Variants in RAD21 observed in about 807,000 individuals in gnomAD.
RAD21 encodes RAD21 cohesin complex component.
A neutral mutation model predicts 71.5 loss-of-function variants in RAD21; 18 were observed. The ratio of observed to expected loss-of-function variants is 0.25; its 90% CI spans 0.17 to 0.37. The LOEUF is 0.37. RAD21 is among the 10% of genes least tolerant of loss of function. RAD21 has a pLI of 1.00. For missense variants in RAD21, 493 were observed against 769.1 expected (o/e 0.64, Z 4.25); for synonymous variants, 248 against 254.0 (o/e 0.98, Z 0.22).
At chr8:116,852,764 G>A in intron 9 of RAD21, 56 bp from the exon 10 acceptor site, 1 of 1,251,684 alleles carries the variant, frequency 8.0e-7, no homozygotes, top group African/African-American at 1.6e-5. Context: ...TAATTAAAAA[G>A]TCACCACTGA....
At chr8:116,852,206 A>G in intron 10 of RAD21, 110 bp from the exon 11 acceptor site, 1 of 1,053,360 alleles carries the variant, frequency 9.5e-7, no homozygotes, top group South Asian at 2.1e-5. Context: ...TGCTTTCTTT[A>G]ATGAAGAAGG....
intron 12 of RAD21, 41 bp downstream of exon 12, chr8:116,850,577 G>A (rs545971371): frequency 1.3e-6 from 2 of 1,593,304 alleles, no homozygotes; most frequent in East Asian, 4.5e-5. Flanking sequence ...CTGGTTGGAG[G>A]TTTTTGCTAA....
At position 116,854,652 on chromosome 8, in the gene RAD21, G is replaced by A. The variant is rs1812424609; in HGVS notation, c.938-184C>T. Among the ~76,000 whole-genome samples the A allele has an allele frequency of 2.6e-5, 4 of 152,152 alleles. No homozygotes were observed. In the South Asian group the frequency reaches 6.3e-4, roughly 24 times the overall value. On this transcript the variant is annotated intron_variant, in intron 8 of 13. Transcript: ENST00000297338. ...CCAACCACCATTCAGAAGAGAGGCT[G>A]GAACACAACGGGCATTCAACAAAAA...
At chr8:116,865,322 T>C (rs1812667599) in intron 2 of RAD21, among the ~76,000 whole-genome samples, 1 of 152,164 alleles carries the variant, frequency 6.6e-6, no homozygotes. Flanking sequence ...TCTGTTATCC[T>C]TTTAAGCCAC....
In RAD21 at chr8:116,866,789, A is replaced by G. The variant is rs16889046; in HGVS notation, c.-32-28T>C. The G allele has an allele frequency of 1.3e-3, 1,963 of 1,457,720 alleles. 3 individuals are homozygous for G. The highest frequency in any genetic ancestry group is 1.6e-3 in the Non-Finnish European group (1,771 of 1,097,194). 90.3% of individuals were successfully genotyped at this position (1,457,720 alleles called of 1,614,324 possible). A position where few individuals can be genotyped will look rare whatever the true frequency, so the allele number is the denominator to read the frequency against. Reference sequence around the variant, plus strand: ...AAGAGGGGAAAAAAAAGTTAATGTAAACATCATCTGACAATTTAAATACTT... The same window carrying G: ...AAGAGGGGAAAAAAAAGTTAATGTAGACATCATCTGACAATTTAAATACTT... On this transcript the variant is annotated intron_variant, in intron 1 of 13. Coordinates refer to ENST00000297338, the MANE Select transcript of RAD21 (RefSeq NM_006265.3).
At chr8:116,863,011 T>C in intron 3 of RAD21, 119 bp downstream of exon 3, 1 of 1,309,854 alleles carries the variant, frequency 7.6e-7, no homozygotes. Flanking sequence ...GGGTTCCTCG[T>C]ATTTCAATTA....
At chr8:116,860,425 T>C (rs765542161) in intron 4 of RAD21, among the ~76,000 whole-genome samples, 2 of 152,162 alleles carry the variant, frequency 1.3e-5, no homozygotes, top group African/African-American at 2.4e-5. Context: ...AAGAGTCAAT[T>C]GATGCAGCAA....
At chr8:116,861,737 A>G in intron 4 of RAD21, 104 bp downstream of exon 4, 1 of 725,466 alleles carries the variant, frequency 1.4e-6, no homozygotes, top group East Asian at 2.6e-5. Flanking sequence ...TATGCATTTT[A>G]GCTGTTAATG....
intron 4 of RAD21, among the ~76,000 whole-genome samples, chr8:116,859,582 C>T (rs1412383962): frequency 1.3e-5 from 2 of 151,998 alleles, no homozygotes; most frequent in Non-Finnish European, 2.9e-5. Context: ...TTTGGAGTGC[C>T]ACAAAGGATG....
Position 116,852,054 on chromosome 8 carries a change from A to G in RAD21, c.1364T>C (p.Val455Ala), listed in dbSNP as rs373625369. Residue 455 changes from valine (V) to alanine (A), a missense_variant, in exon 11 of 14, where the codon GTG becomes GCG. Around this residue, in one of 5 missense-constraint regions of RAD21, gnomAD observed 225 missense variants for 218.3 expected, o/e 1.03. Transcript: ENST00000297338. ...IEEPSRLQES[V>A]MEASRTNIDE... ...TATGTTTGTTCTGCTGGCCTCCATC[A>G]CTGACTCCTGGAGGCGGCTTGGCTC... 29 of 1,612,046 alleles carry G rather than the reference A, an allele frequency of 1.8e-5. No homozygotes were observed. Among genetic ancestry groups the G allele is most frequent in the Middle Eastern group, 3.3e-4 (2 of 6,052 alleles).
In RAD21 at chr8:116,869,949, G is replaced by A. The variant is rs1287116265; in HGVS notation, c.-32-3188C>T. 7.2e-5 allele frequency among the ~76,000 whole-genome samples: 11 copies of A among 152,212 alleles called. No individual in the cohort carries two copies. In the East Asian group the frequency reaches 1.9e-3, roughly 27 times the overall value. ...TGCCAATTCTTTCCCATGATGTAGAGAAAATATATTTTAGTTACGCGTATC... is the reference window on the plus strand; with the variant it reads ...TGCCAATTCTTTCCCATGATGTAGAAAAAATATATTTTAGTTACGCGTATC... On this transcript the variant is annotated intron_variant, in intron 1 of 13. Transcript: ENST00000297338.
intron 4 of RAD21, among the ~76,000 whole-genome samples, chr8:116,859,488 A>G (rs1008647869): frequency 5.3e-5 from 8 of 152,094 alleles, no homozygotes; most frequent in Non-Finnish European, 2.9e-5. Flanking sequence ...TGATTCTCCC[A>G]CCTAAGCCTC....
chr8:116,853,153 A>C (rs918621996), intron 9 of RAD21, among the ~76,000 whole-genome samples: 1 of 152,042 alleles, frequency 6.6e-6, no homozygotes, highest in African/African-American at 2.4e-5. Context: ...ATCTCAGCTC[A>C]TTGCAACCTC....
rs1812263006 is a variant in RAD21 at position 116,846,956 on chromosome 8, G to A, written c.*544C>T. On this transcript the variant is annotated 3_prime_UTR_variant, in exon 14 of 14. Coordinates refer to ENST00000297338, the MANE Select transcript of RAD21 (RefSeq NM_006265.3). The stretch of plus-strand genomic sequence containing the variant: ...TTTCGCGTACACCTCTGCTCATTAT[G>A]GAATTACACTTAAAACGAATCTCAA... 4.6e-6 allele frequency: 1 copy of A among 216,036 alleles called. No individual in the cohort carries two copies. Among genetic ancestry groups the A allele is most frequent in the Non-Finnish European group, 9.3e-6 (1 of 107,358 alleles). The allele number at this position is 216,036 out of a possible 1,614,324, so 13.4% of individuals were successfully genotyped here.
At chr8:116,855,064 G>A (rs759163144) in intron 8 of RAD21, among the ~76,000 whole-genome samples, 21 of 151,838 alleles carry the variant, frequency 1.4e-4, no homozygotes, top group Non-Finnish European at 2.1e-4. Context: ...GCAGAAAAGC[G>A]CATGGGGTTA....
At chr8:116,852,191 C>A in intron 10 of RAD21, 95 bp from the exon 11 acceptor site, 1 of 1,140,356 alleles carries the variant, frequency 8.8e-7, no homozygotes, top group Non-Finnish European at 1.2e-6. Context: ...CTAAGACATA[C>A]ATAATGCTTT....
In RAD21 at chr8:116,846,227, A is replaced by G. The variant is rs940613628; in HGVS notation, c.*1273T>C. The G allele has an allele frequency of 4.3e-6, 1 of 231,332 alleles. No homozygotes were observed. Among genetic ancestry groups the G allele is most frequent in the African/African-American group, 2.2e-5 (1 of 45,242 alleles). 14.3% of individuals were successfully genotyped at this position (231,332 alleles called of 1,614,324 possible). On this transcript the variant is annotated 3_prime_UTR_variant, in exon 14 of 14. Coordinates refer to ENST00000297338, the MANE Select transcript of RAD21 (RefSeq NM_006265.3). ...ATTAAAACAGTAATTACGAGTTCAC[A>G]AATTTAAAACATTTCACATAATTTT...
intron 1 of RAD21, among the ~76,000 whole-genome samples, chr8:116,868,542 GTA>G (rs759515916): frequency 7.3e-4 from 111 of 152,172 alleles, no homozygotes; most frequent in Non-Finnish European, 1.4e-3. Context: ...GTATTGTTAA[GTA>G]TATGTTTAGT....
At chr8:116,855,222 C>A (rs2130464387) in intron 8 of RAD21, among the ~76,000 whole-genome samples, 1 of 152,246 alleles carries the variant, frequency 6.6e-6, no homozygotes, top group African/African-American at 2.4e-5. Flanking sequence ...CTTAATTGCC[C>A]ATTTCCCTCA....
Sources: gnomAD v4.1 joint callset for allele counts (sites outside exome capture counted in the v4.1 genomes callset) on GRCh38, gnomAD v4.1.1 for gene constraint, gnomAD v4.1.1 regional missense constraint, MANE v1.5 for transcripts, NCBI Gene and HGNC (gene_info 2026-07-23, HGNC 2026-07-21) for gene names.